Variants in OSBPL10 observed in about 807,000 individuals in gnomAD.
The protein encoded by OSBPL10 is oxysterol-binding protein-related protein 10.
A neutral mutation model predicts 81.7 loss-of-function variants in OSBPL10; 49 were observed. That is an observed-to-expected ratio of 0.60 (90% CI 0.48 to 0.76). OSBPL10 has a LOEUF of 0.76. Among genes scored for constraint, OSBPL10 ranks in the 30% least tolerant of loss-of-function variants. The probability of loss-of-function intolerance (pLI) is 0.00; values close to 1 mark genes in which losing one functional copy is unlikely to be tolerated. For synonymous variants in OSBPL10, 419 were observed against 383.6 expected, an observed-to-expected ratio of 1.09 and a Z score of -1.08; for missense variants, 923 against 987.8, an observed-to-expected ratio of 0.93 and a Z score of 0.88.
chr3:32,040,604 G>A (rs1699566023), intron 2 of OSBPL10, among the ~76,000 whole-genome samples: 1 of 152,006 alleles, frequency 6.6e-6, no homozygotes, highest in Admixed American at 6.6e-5. Context: ...GGGAGGCCTA[G>A]GTGGGAGGAT....
At chr3:31,990,738 T>A (rs1167019771) in intron 2 of OSBPL10, 3 of 1,613,844 alleles carry the variant, frequency 1.9e-6, no homozygotes, top group Non-Finnish European at 1.7e-6. Context: ...AATCACACCA[T>A]GAAACACATA....
At chr3:32,074,174 C>A (rs929554153) in intron 1 of OSBPL10, among the ~76,000 whole-genome samples, 2 of 152,148 alleles carry the variant, frequency 1.3e-5, no homozygotes, top group East Asian at 3.9e-4. Context: ...TCACTTTACC[C>A]GCCTGAGGAA....
At chr3:31,903,264 G>T (rs948477811) in intron 1 of OSBPL10, among the ~76,000 whole-genome samples, 1 of 151,408 alleles carries the variant, frequency 6.6e-6, no homozygotes, top group African/African-American at 2.4e-5. Flanking sequence ...ACTAATAATT[G>T]CTAATATTTC....
intron 4 of OSBPL10, among the ~76,000 whole-genome samples, chr3:31,774,732 C>T (rs1698501045): frequency 6.6e-6 from 1 of 150,378 alleles, no homozygotes; most frequent in Non-Finnish European, 1.5e-5. Flanking sequence ...AGGCTGGTCT[C>T]GCACTCCTGA....
At position 31,981,040 on chromosome 3, in the gene OSBPL10, G is replaced by A; in HGVS notation, c.140C>T (p.Ala47Val). ...GRGVSSRSAA[A>V]GLGGGGSRSS... Reference sequence around the variant, plus strand: ...GCGGCTTCCCCCGCCGCCGAGCCCGGCCGCCGCCGACCGGCTGGAGACCCC... The same window carrying A: ...GCGGCTTCCCCCGCCGCCGAGCCCGACCGCCGCCGACCGGCTGGAGACCCC... The change falls in exon 1 of 12, where the codon GCC becomes GTC. Residue 47 changes from alanine (A) to valine (V), a missense_variant. Ala to Val is a moderately conservative substitution (Grantham distance 64). Around this residue, in one of 3 missense-constraint regions of OSBPL10, gnomAD observed 514 missense variants for 508.0 expected, o/e 1.01. Coordinates refer to ENST00000396556, the MANE Select transcript of OSBPL10 (RefSeq NM_017784.5). This position sits in a 1 kb window ranked among gnomAD's most constrained non-coding sequence, Gnocchi z 4.5. The A allele has an allele frequency of 6.8e-7, 1 of 1,475,942 alleles. No individual in the cohort carries two copies. Among genetic ancestry groups the A allele is most frequent in the Non-Finnish European group, 8.9e-7 (1 of 1,117,896 alleles). 91.4% of individuals were successfully genotyped at this position (1,475,942 alleles called of 1,614,324 possible).
chr3:31,790,627 C>G (rs1413160516), intron 4 of OSBPL10, among the ~76,000 whole-genome samples: 3 of 152,216 alleles, frequency 2.0e-5, no homozygotes, highest in Non-Finnish European at 4.4e-5. Context: ...GGGGCTGCCA[C>G]TGAGATGCTT....
At chr3:31,864,476 A>G (rs1233428676) in intron 3 of OSBPL10, among the ~76,000 whole-genome samples, 4 of 152,052 alleles carry the variant, frequency 2.6e-5, no homozygotes, top group Non-Finnish European at 4.4e-5. Flanking sequence ...CTGACCTCAC[A>G]TGATCCACCT....
chr3:31,755,216 C>T (rs115532501), intron 4 of OSBPL10, among the ~76,000 whole-genome samples: 366 of 152,260 alleles, frequency 2.4e-3, no homozygotes, highest in African/African-American at 8.2e-3. Context: ...CTTGCTCATG[C>T]CCATAGCTGC....
chr3:31,893,514 C>T (rs1350997325), intron 1 of OSBPL10, among the ~76,000 whole-genome samples: 3 of 152,174 alleles, frequency 2.0e-5, no homozygotes, highest in African/African-American at 7.2e-5. Flanking sequence ...TACAACACAT[C>T]AGTTTCACTC....
At chr3:32,071,924 C>T (rs143261572) in intron 1 of OSBPL10, among the ~76,000 whole-genome samples, 441 of 152,262 alleles carry the variant, frequency 2.9e-3, no homozygotes, top group Non-Finnish European at 5.0e-3. Flanking sequence ...ACCCTGATCA[C>T]ACCTGGTTTA....
chr3:32,032,401 CTCTG>C (rs1277664427), intron 2 of OSBPL10, among the ~76,000 whole-genome samples: 1 of 151,872 alleles, frequency 6.6e-6, no homozygotes, highest in Non-Finnish European at 1.5e-5. Context: ...CAGAGTGAGA[CTCTG>C]TCTAAAAATA....
chr3:31,761,828 A>C (rs1290338572), intron 4 of OSBPL10, among the ~76,000 whole-genome samples: 1 of 146,874 alleles, frequency 6.8e-6, no homozygotes, highest in African/African-American at 2.7e-5. Context: ...AAAAAAAAAA[A>C]AAACCCTAAA....
At chr3:31,848,001 C>A (rs569096843) in intron 3 of OSBPL10, among the ~76,000 whole-genome samples, 1 of 152,190 alleles carries the variant, frequency 6.6e-6, no homozygotes, top group Admixed American at 6.5e-5. Context: ...CTCCTGCCTC[C>A]GAGGCTCCTG....
At chr3:31,709,031 G>A (rs887835846) in intron 6 of OSBPL10, 42 of 985,312 alleles carry the variant, frequency 4.3e-5, no homozygotes, top group East Asian at 1.1e-4. Context: ...GGCCACCGGC[G>A]AATTTAGGGG....
intron 4 of OSBPL10, among the ~76,000 whole-genome samples, chr3:31,826,169 C>A (rs1207568358): frequency 2.6e-5 from 4 of 152,136 alleles, no homozygotes; most frequent in Admixed American, 2.0e-4. Flanking sequence ...ACTGGCAATG[C>A]AGTTTGGTTT....
At chr3:31,972,148 G>A (rs1177918093) in intron 1 of OSBPL10, among the ~76,000 whole-genome samples, 1 of 152,206 alleles carries the variant, frequency 6.6e-6, no homozygotes, top group Admixed American at 6.5e-5. Flanking sequence ...CAGCACTTCG[G>A]GAGGCCAAGG....
At chr3:31,919,419 A>T (rs1302157736) in intron 1 of OSBPL10, 1 of 152,220 alleles carries the variant, frequency 6.6e-6, no homozygotes, top group East Asian at 1.9e-4. Context: ...ACAGGAGCCA[A>T]GGAAGGTGGC....
At chr3:31,784,033 G>A (rs1698794796) in intron 4 of OSBPL10, among the ~76,000 whole-genome samples, 1 of 150,912 alleles carries the variant, frequency 6.6e-6, no homozygotes, top group African/African-American at 2.4e-5. Flanking sequence ...TTGTTGCTTA[G>A]GGTATTAAAA....
intron 4 of OSBPL10, among the ~76,000 whole-genome samples, chr3:31,802,926 G>A (rs1436901755): frequency 6.6e-6 from 1 of 150,632 alleles, no homozygotes; most frequent in Non-Finnish European, 1.5e-5. Flanking sequence ...ATCTACAAGG[G>A]AATAACAAAC....
Sources: allele counts gnomAD v4.1 joint callset (sites outside exome capture counted in the v4.1 genomes callset), GRCh38; gene constraint gnomAD v4.1.1; regional missense constraint gnomAD v4.1.1; non-coding constraint Gnocchi (gnomAD v3.1); transcripts MANE v1.5; gene names NCBI Gene and HGNC (gene_info 2026-07-23, HGNC 2026-07-21).